DCAF6: variants seen among roughly 807,000 people sequenced by gnomAD.
The protein encoded by DCAF6 is DDB1- and CUL4-associated factor 6.
DCAF6 carries 54 observed loss-of-function variants against 125.1 expected under a neutral mutation model. The observed-to-expected ratio is 0.43, with a 90% CI of 0.35 to 0.54. The LOEUF (loss-of-function observed/expected upper bound fraction) is 0.54, where lower values mean the gene tolerates loss of function less well. Among genes scored for constraint, DCAF6 ranks in the 20% least tolerant of loss-of-function variants. The pLI is 0.01. For synonymous variants in DCAF6, 371 were observed against 390.4 expected (o/e 0.95, Z 0.58); for missense variants, 934 against 1,161.7 (o/e 0.80, Z 2.85).
At chr1:168,025,227 A>G (rs1237466448) in intron 12 of DCAF6, among the ~76,000 whole-genome samples, 1 of 152,166 alleles carries the variant, frequency 6.6e-6, no homozygotes, top group Admixed American at 6.5e-5. Context: ...TTAAGTTGAT[A>G]ATTTACATAT....
the DCAF6 span, among the ~76,000 whole-genome samples, chr1:167,906,366 A>T: frequency 7.0e-6 from 1 of 143,632 alleles, no homozygotes; most frequent in East Asian, 2.0e-4. Context: ...ACTAAGGTTT[A>T]AAAAAAAAAA....
At chr1:167,991,131 A>T in intron 5 of DCAF6, 73 bp from the exon 6 acceptor site, 2 of 1,303,014 alleles carry the variant, frequency 1.5e-6, no homozygotes, top group Admixed American at 4.7e-5. Flanking sequence ...ATTACTAATG[A>T]GAAAATATTT....
chr1:167,910,028 C>A, the DCAF6 span, among the ~76,000 whole-genome samples: 2 of 152,310 alleles, frequency 1.3e-5, no homozygotes, highest in Non-Finnish European at 2.9e-5. Context: ...TCACGTGGAA[C>A]CCCTCACAGC....
intron 10 of DCAF6, among the ~76,000 whole-genome samples, chr1:168,008,099 A>G (rs1401569126): frequency 6.7e-6 from 1 of 149,770 alleles, no homozygotes; most frequent in Non-Finnish European, 1.5e-5. Flanking sequence ...CCTCCCAAGT[A>G]GCTGGGATTA....
upstream of DCAF6, among the ~76,000 whole-genome samples, chr1:167,935,330 G>A (rs565313463): frequency 6.6e-6 from 1 of 152,330 alleles, no homozygotes; most frequent in Non-Finnish European, 1.5e-5. Flanking sequence ...AAACCCTACA[G>A]TGCGACAAAC....
the DCAF6 span, among the ~76,000 whole-genome samples, chr1:167,918,766 T>G: frequency 6.6e-6 from 1 of 151,944 alleles, no homozygotes; most frequent in East Asian, 1.9e-4. Context: ...GCTAATTTTT[T>G]GTATTTTTAG....
At chr1:167,894,101 G>C in the DCAF6 span, among the ~76,000 whole-genome samples, 1 of 152,128 alleles carries the variant, frequency 6.6e-6, no homozygotes, top group Admixed American at 6.5e-5. Flanking sequence ...AAGGGCCAGG[G>C]GAAATCCAAA....
intron 5 of DCAF6, among the ~76,000 whole-genome samples, chr1:167,989,288 T>C (rs1680489847): frequency 1.3e-5 from 2 of 152,204 alleles, no homozygotes; most frequent in South Asian, 4.1e-4. Flanking sequence ...CAAACTCTCT[T>C]AAACTATTTT....
chr1:168,016,075 C>T, intron 11 of DCAF6, 124 bp downstream of exon 11: 1 of 781,608 alleles, frequency 1.3e-6, no homozygotes. Flanking sequence ...CTTACCCCTC[C>T]TTTCCTTGCA....
chr1:167,888,289 AT>A, the DCAF6 span, among the ~76,000 whole-genome samples: 6 of 149,332 alleles, frequency 4.0e-5, no homozygotes, highest in African/African-American at 4.9e-5. Context: ...AAATTTTAGA[AT>A]TTTTTTTTTC....
chr1:167,884,658 C>T, the DCAF6 span, among the ~76,000 whole-genome samples: 3 of 151,320 alleles, frequency 2.0e-5, no homozygotes, highest in Non-Finnish European at 4.4e-5. Flanking sequence ...GGTAACCATC[C>T]TTATATTCTC....
At chr1:168,068,761 A>G (rs780574252) in intron 21 of DCAF6, among the ~76,000 whole-genome samples, 1 of 152,132 alleles carries the variant, frequency 6.6e-6, no homozygotes. Flanking sequence ...ATATTCTTTA[A>G]TGGTAGGTTT....
In DCAF6 at chr1:168,038,489, G is replaced by A; in HGVS notation, c.1727+1G>A. 6.4e-7 allele frequency: 1 copy of A among 1,566,488 alleles called. No individual in the cohort carries two copies. Among genetic ancestry groups the A allele is most frequent in the Non-Finnish European group, 8.7e-7 (1 of 1,153,430 alleles). On this transcript the variant is annotated splice_donor_variant, in intron 13 of 21. Coordinates refer to ENST00000367840, the MANE Select transcript of DCAF6 (RefSeq NM_001198956.2). LOFTEE classifies it high-confidence loss of function. Reference sequence around the variant, plus strand: ...TAAAACTGAACTTTACAGATGAATGGTAAGTTAATATTTTTGTAAAGATGT... The same window carrying A: ...TAAAACTGAACTTTACAGATGAATGATAAGTTAATATTTTTGTAAAGATGT...
the DCAF6 span, among the ~76,000 whole-genome samples, chr1:167,885,596 T>A: frequency 6.6e-6 from 1 of 152,212 alleles, no homozygotes; most frequent in African/African-American, 2.4e-5. Context: ...CATTTGTATG[T>A]CTTCCTTTGA....
chr1:168,029,339 T>C (rs898531390), intron 12 of DCAF6, among the ~76,000 whole-genome samples: 2 of 152,320 alleles, frequency 1.3e-5, no homozygotes, highest in African/African-American at 4.8e-5. Flanking sequence ...CCAAGAAATA[T>C]GTAAAGATGA....
chr1:168,065,997 G>T (rs1029104800), intron 19 of DCAF6, among the ~76,000 whole-genome samples: 1 of 152,162 alleles, frequency 6.6e-6, no homozygotes, highest in African/African-American at 2.4e-5. Context: ...AGCTGTAAGA[G>T]GTTTGGTGTG....
At chr1:167,902,732 T>A in the DCAF6 span, among the ~76,000 whole-genome samples, 1 of 152,194 alleles carries the variant, frequency 6.6e-6, no homozygotes, top group Admixed American at 6.5e-5. Context: ...GGCCAGGAGT[T>A]CACCATAACA....
the DCAF6 span, chr1:167,920,503 A>G: frequency 4.3e-5 from 68 of 1,589,044 alleles, 1 homozygote; most frequent in Non-Finnish European, 4.9e-5. Context: ...AACAAAAATC[A>G]TTTATGTTCT....
upstream of DCAF6, chr1:167,936,076 GC>G (rs1327898654): frequency 6.5e-5 from 37 of 570,708 alleles, no homozygotes; most frequent in South Asian, 2.0e-5. Context: ...TCCGCCTCCG[GC>G]CCCCGGCAGG....
Sources: allele counts gnomAD v4.1 joint callset (sites outside exome capture counted in the v4.1 genomes callset), GRCh38; gene constraint gnomAD v4.1.1; transcripts MANE v1.5; gene names NCBI Gene and HGNC (gene_info 2026-07-23, HGNC 2026-07-21).